CNTNAP4: variants seen among roughly 807,000 people sequenced by gnomAD.
CNTNAP4 encodes the protein contactin associated protein family member 4.
A neutral mutation model predicts 148.4 loss-of-function variants in CNTNAP4; 98 were observed. The observed-to-expected ratio is 0.66, with a 90% CI of 0.56 to 0.78. The LOEUF is 0.78. Among genes scored for constraint, CNTNAP4 ranks in the 30% least tolerant of loss-of-function variants. The pLI, the probability that CNTNAP4 is intolerant of heterozygous loss-of-function variation, is 0.00. For missense variants in CNTNAP4, 1,935 were observed against 1,565.6 expected (o/e 1.24, Z -3.98); for synonymous variants, 730 against 565.1 (o/e 1.29, Z -4.14).
chr16:76,350,138 G>A (rs1965247693), intron 2 of CNTNAP4, among the ~76,000 whole-genome samples: 1 of 151,934 alleles, frequency 6.6e-6, no homozygotes, highest in African/African-American at 2.4e-5. Flanking sequence ...TAAATTATTT[G>A]AACATATTCT....
intron 1 of CNTNAP4, among the ~76,000 whole-genome samples, chr16:76,278,663 T>C (rs969801788): frequency 5.3e-5 from 8 of 152,332 alleles, no homozygotes; most frequent in African/African-American, 1.9e-4. Context: ...TTTTATTTTT[T>C]CTTGGATTTT....
At chr16:76,521,442 A>G (rs1007300374) in intron 16 of CNTNAP4, 132 bp downstream of exon 16, 8 of 657,960 alleles carry the variant, frequency 1.2e-5, no homozygotes, top group African/African-American at 1.9e-5. Flanking sequence ...GAAAAACTCA[A>G]TAATATTAAC....
intron 3 of CNTNAP4, among the ~76,000 whole-genome samples, chr16:76,364,233 C>CAAAAAAA (rs58589609): frequency 2.9e-4 from 14 of 48,182 alleles, no homozygotes; most frequent in African/African-American, 4.7e-4. Flanking sequence ...GATTCCATCT[C>CAAAAAAA]AAAAAAAAAA....
At chr16:76,469,877 G>A (rs945859995) in intron 10 of CNTNAP4, among the ~76,000 whole-genome samples, 11 of 151,964 alleles carry the variant, frequency 7.2e-5, no homozygotes, top group Admixed American at 2.0e-4. Flanking sequence ...ATTTCCAAGC[G>A]TATCTGTAAA....
chr16:76,317,998 G>A (rs1241779587), intron 2 of CNTNAP4, among the ~76,000 whole-genome samples: 9 of 152,050 alleles, frequency 5.9e-5, no homozygotes, highest in South Asian at 2.1e-4. Flanking sequence ...TGAGTGACTT[G>A]CAGTAAGAGT....
At chr16:76,332,287 A>G (rs1168941061) in intron 2 of CNTNAP4, among the ~76,000 whole-genome samples, 1 of 152,010 alleles carries the variant, frequency 6.6e-6, no homozygotes, top group Non-Finnish European at 1.5e-5. Context: ...GTGAGACAGG[A>G]TGTCATTCTG....
At chr16:76,540,880 G>T (rs2084423720) in intron 21 of CNTNAP4, 90 bp downstream of exon 21, 3 of 823,258 alleles carry the variant, frequency 3.6e-6, no homozygotes, top group Admixed American at 2.3e-5. Context: ...CACCCACTTC[G>T]TCATGGCAAA....
chr16:76,449,819 T>C lies in CNTNAP4; in HGVS notation c.1032T>C (p.Ile344=). The change falls in exon 7 of 24, where the codon ATT becomes ATC. Residue 344 remains isoleucine, a synonymous_variant. Coordinates refer to ENST00000611870, the MANE Select transcript of CNTNAP4 (RefSeq NM_033401.5). ...ENLYYNGVDI[I]DLAKQQKPQI... ...TCTATTATAATGGAGTGGATATCAT[T>C]GATTTGGCCAAGCAGCAAAAACCAC... 3 of 1,608,326 alleles carry C rather than the reference T, an allele frequency of 1.9e-6. No homozygotes were observed. In the South Asian group the frequency reaches 3.4e-5, roughly 18 times the overall value.
At chr16:76,492,117 G>A (rs918133744) in intron 13 of CNTNAP4, among the ~76,000 whole-genome samples, 4 of 152,218 alleles carry the variant, frequency 2.6e-5, no homozygotes, top group Non-Finnish European at 4.4e-5. Context: ...GGGGACTGGT[G>A]TGGAGATGTT....
chr16:76,558,374 T>C (rs2085281559), intron 23 of CNTNAP4, 116 bp from the exon 24 acceptor site: 3 of 566,656 alleles, frequency 5.3e-6, no homozygotes, highest in Non-Finnish European at 9.3e-6. Flanking sequence ...TTCCAATTTA[T>C]ATGTAGTAGA....
chr16:76,430,423 A>G (rs2079565358), intron 4 of CNTNAP4, among the ~76,000 whole-genome samples: 1 of 152,156 alleles, frequency 6.6e-6, no homozygotes, highest in African/African-American at 2.4e-5. Context: ...CTATCATCAC[A>G]AGTATCCTGT....
chr16:76,346,097 C>T (rs755928122), intron 2 of CNTNAP4, among the ~76,000 whole-genome samples: 1 of 152,060 alleles, frequency 6.6e-6, no homozygotes, highest in Non-Finnish European at 1.5e-5. Flanking sequence ...GCATGTAATT[C>T]TATAAGATAT....
chr16:76,436,931 A>G (rs1475204713), intron 4 of CNTNAP4, among the ~76,000 whole-genome samples: 4 of 150,164 alleles, frequency 2.7e-5, no homozygotes, highest in African/African-American at 9.8e-5. Flanking sequence ...CAAAATCTGT[A>G]TTAGTCAGTA....
At chr16:76,535,935 C>A (rs530371161) in intron 18 of CNTNAP4, among the ~76,000 whole-genome samples, 151 bp downstream of exon 18, 2 of 152,120 alleles carry the variant, frequency 1.3e-5, no homozygotes, top group African/African-American at 4.8e-5. Flanking sequence ...AGAATGAGTA[C>A]AAGATCCTGG....
At chr16:76,293,423 T>C (rs2143851605) in intron 1 of CNTNAP4, among the ~76,000 whole-genome samples, 1 of 152,320 alleles carries the variant, frequency 6.6e-6, no homozygotes, top group Non-Finnish European at 1.5e-5. Flanking sequence ...AATGTGATCG[T>C]AATTTTAATG....
intron 4 of CNTNAP4, among the ~76,000 whole-genome samples, chr16:76,433,992 C>T (rs1014926074): frequency 2.3e-4 from 34 of 149,938 alleles, no homozygotes; most frequent in South Asian, 2.1e-4. Flanking sequence ...TATTAGGGTT[C>T]TCTAGAAAGA....
chr16:76,291,484 C>T (rs971323374), intron 1 of CNTNAP4, among the ~76,000 whole-genome samples: 3 of 152,138 alleles, frequency 2.0e-5, no homozygotes, highest in African/African-American at 7.2e-5. Context: ...TTTCCATAGC[C>T]ATTATCACAA....
intron 3 of CNTNAP4, among the ~76,000 whole-genome samples, chr16:76,413,182 C>G (rs554457103): frequency 6.6e-6 from 1 of 151,308 alleles, no homozygotes; most frequent in Admixed American, 6.6e-5. Flanking sequence ...GTTGTGCTAT[C>G]AAATAATAGG....
intron 2 of CNTNAP4, among the ~76,000 whole-genome samples, chr16:76,337,235 C>A (rs572011689): frequency 6.6e-6 from 1 of 152,180 alleles, no homozygotes; most frequent in Non-Finnish European, 1.5e-5. Context: ...GTTTCCTTAG[C>A]CTTGAATGAA....
Sources: allele counts gnomAD v4.1 joint callset (sites outside exome capture counted in the v4.1 genomes callset), GRCh38; gene constraint gnomAD v4.1.1; transcripts MANE v1.5; gene names NCBI Gene and HGNC (gene_info 2026-07-23, HGNC 2026-07-21).